The following PCDHA10 variants were observed in gnomAD, a reference collection of about 807,000 sequenced individuals.
PCDHA10 encodes the protein protocadherin alpha-10.
PCDHA10 carries 45 observed loss-of-function variants against 61.2 expected under a neutral mutation model. The ratio of observed to expected loss-of-function variants is 0.74; its 90% CI spans 0.58 to 0.94. PCDHA10 has a LOEUF of 0.94. Among genes scored for constraint, PCDHA10 ranks in the 40% least tolerant of loss-of-function variants. The pLI is 0.00. For synonymous variants in PCDHA10, 602 were observed against 548.8 expected (o/e 1.10, Z -1.35); for missense variants, 1,278 against 1,236.2 (o/e 1.03, Z -0.51).
At chr5:140,890,886 A>G (rs1332125590) in intron 1 of PCDHA10, among the ~76,000 whole-genome samples, 3 of 151,952 alleles carry the variant, frequency 2.0e-5, no homozygotes, top group Admixed American at 1.3e-4. Flanking sequence ...TTCATCAGGG[A>G]TTATTGTCTT....
chr5:140,863,505 C>A, intron 1 of PCDHA10: 1 of 421,530 alleles, frequency 2.4e-6, no homozygotes. Flanking sequence ...GGCTTTTAGT[C>A]CTAGTGTTCT....
chr5:140,900,416 T>G (rs1303205296), intron 1 of PCDHA10, among the ~76,000 whole-genome samples: 8 of 152,220 alleles, frequency 5.3e-5, no homozygotes, highest in Admixed American at 5.2e-4. Flanking sequence ...TAGCTGGGAT[T>G]ATAGGCACGT....
At chr5:140,967,697 G>A (rs1554229803) in intron 1 of PCDHA10, 1 of 1,614,196 alleles carries the variant, frequency 6.2e-7, no homozygotes, top group Admixed American at 1.7e-5. Flanking sequence ...CTTCAGCATA[G>A]ATGCCAGTAC....
intron 1 of PCDHA10, among the ~76,000 whole-genome samples, chr5:140,935,834 C>G (rs1037488504): frequency 1.3e-5 from 2 of 151,624 alleles, no homozygotes; most frequent in African/African-American, 2.4e-5. Flanking sequence ...ACACATATTC[C>G]ATACTGCTTA....
intron 1 of PCDHA10, chr5:140,870,179 G>T (rs184228916): frequency 2.5e-6 from 4 of 1,613,986 alleles, no homozygotes; most frequent in African/African-American, 2.7e-5. Context: ...CTCCCAGTAC[G>T]AGAGGACGCT....
chr5:140,911,729 C>G (rs571299791), intron 1 of PCDHA10, among the ~76,000 whole-genome samples: 1 of 152,134 alleles, frequency 6.6e-6, no homozygotes, highest in Non-Finnish European at 1.5e-5. Flanking sequence ...GTAAACAGTT[C>G]GTGCCAAGGA....
intron 1 of PCDHA10, chr5:140,884,140 G>C: frequency 6.2e-7 from 1 of 1,613,412 alleles, no homozygotes; most frequent in Non-Finnish European, 8.5e-7. Context: ...CGTTCCGCGT[G>C]GGGCTGTACA....
At chr5:140,938,278 G>A (rs1394435028) in intron 1 of PCDHA10, among the ~76,000 whole-genome samples, 1 of 152,090 alleles carries the variant, frequency 6.6e-6, no homozygotes, top group African/African-American at 2.4e-5. Context: ...TAGTTTTCTT[G>A]CTTTCTGTCA....
At chr5:140,950,555 C>T (rs1421946616) in intron 1 of PCDHA10, among the ~76,000 whole-genome samples, 1 of 151,964 alleles carries the variant, frequency 6.6e-6, no homozygotes, top group Non-Finnish European at 1.5e-5. Flanking sequence ...GCTGGGGGGA[C>T]ACTTATTTTA....
intron 1 of PCDHA10, chr5:140,881,384 G>T (rs1299609025): frequency 2.0e-6 from 2 of 984,186 alleles, no homozygotes; most frequent in Non-Finnish European, 2.4e-6. Flanking sequence ...GCCGGCGGCG[G>T]TAAGTTAAAT....
intron 1 of PCDHA10, chr5:140,865,696 A>G (rs1233175579): frequency 2.0e-5 from 3 of 152,192 alleles, no homozygotes; most frequent in African/African-American, 7.2e-5. Flanking sequence ...GACTGTTCCA[A>G]TTTGAAAGAT....
intron 1 of PCDHA10, among the ~76,000 whole-genome samples, chr5:140,895,055 A>T (rs1313066261): frequency 2.0e-5 from 3 of 152,118 alleles, no homozygotes; most frequent in Non-Finnish European, 4.4e-5. Flanking sequence ...ATTCTGCTTC[A>T]TATGGACTCA....
rs148144382 is a variant in PCDHA10 at position 140,914,978 on chromosome 5, G to C, written c.2388+56542G>C. On this transcript the variant is annotated intron_variant, in intron 1 of 3. Coordinates refer to ENST00000307360, the MANE Select transcript of PCDHA10 (RefSeq NM_018901.4). ...TTTTTTTTTTCTGAGTCAGAGTCTT[G>C]CTCTGCTACCAGGCTGGAGTGCAGT... Among the ~76,000 whole-genome samples the C allele has an allele frequency of 8.9e-3, 1,161 of 130,768 alleles. 6 individuals are homozygous for C. Among genetic ancestry groups the C allele is most frequent in the African/African-American group, 0.022 (758 of 34,950 alleles). 85.8% of individuals were successfully genotyped at this position (130,768 alleles called of 152,430 possible).
At chr5:140,882,899 T>C (rs956861597) in intron 1 of PCDHA10, 1 of 1,614,228 alleles carries the variant, frequency 6.2e-7, no homozygotes. Context: ...ACATAGTTTA[T>C]TACTGACAGC....
Position 141,009,659 on chromosome 5 carries a change from G to A in PCDHA10, c.2569G>A (p.Gly857Ser), listed in dbSNP as rs781996586. 3.0e-5 allele frequency: 48 copies of A among 1,613,808 alleles called. No individual in the cohort carries two copies. Among genetic ancestry groups the A allele is most frequent in the East Asian group, 4.5e-5 (2 of 44,878 alleles). The change falls in exon 4 of 4, where the codon GGT becomes AGT. Residue 857 changes from glycine (G) to serine (S), a missense_variant. Coordinates refer to ENST00000307360, the MANE Select transcript of PCDHA10 (RefSeq NM_018901.4). ...GGCAGGAGAAGTGTCCCCTCCAGTC[G>A]GTGCGGGTGTCAACAGCAACAGCTG... is the stretch of plus-strand genomic sequence containing the variant. ...PEAGEVSPPV[G>S]AGVNSNSWTF...
Position 140,858,351 on chromosome 5 carries a change from T to G in PCDHA10, c.2303T>G (p.Met768Arg). The G allele has an allele frequency of 6.3e-7, 1 of 1,594,234 alleles. No homozygotes were observed. The highest frequency in any genetic ancestry group is 8.6e-7 in the Non-Finnish European group (1 of 1,165,294). ...GAGGGCCTGCCCAAGGCGGACCTCA[T>G]GGCCTTCAGCCCCAGCCTTCCACCA... ...SGEGLPKADL[M>R]AFSPSLPPCP... The change falls in exon 1 of 4, where the codon ATG becomes AGG. Residue 768 changes from methionine (M) to arginine (R), a missense_variant. By Grantham distance (91) the Met-to-Arg change is moderately conservative. Transcript: ENST00000307360.
chr5:140,987,007 A>C (rs2097221901), intron 3 of PCDHA10, among the ~76,000 whole-genome samples: 1 of 152,142 alleles, frequency 6.6e-6, no homozygotes, highest in African/African-American at 2.4e-5. Context: ...TGAGGTCATG[A>C]GTTCGAGACC....
chr5:140,883,622 G>A, intron 1 of PCDHA10: 4 of 1,614,004 alleles, frequency 2.5e-6, no homozygotes, highest in Non-Finnish European at 3.4e-6. Context: ...GAACGACAAC[G>A]CGCCGGCGTT....
At position 140,904,654 on chromosome 5, in the gene PCDHA10, G is replaced by C. The variant is rs554492367; in HGVS notation, c.2388+46218G>C. On this transcript the variant is annotated intron_variant, in intron 1 of 3. Coordinates refer to ENST00000307360, the MANE Select transcript of PCDHA10 (RefSeq NM_018901.4). ...AGGAATCTCCACACTGTTTTCCATAGTGGTTGTACTAGTTTACATTCCCAC... is the reference window on the plus strand; with the variant it reads ...AGGAATCTCCACACTGTTTTCCATACTGGTTGTACTAGTTTACATTCCCAC... Among the ~76,000 whole-genome samples, 175 of 152,122 alleles carry C rather than the reference G, an allele frequency of 1.2e-3. 1 individual carries two copies. The highest frequency in any genetic ancestry group is 3.4e-3 in the Middle Eastern group (1 of 294).
Sources: allele counts gnomAD v4.1 joint callset (sites outside exome capture counted in the v4.1 genomes callset), GRCh38; gene constraint gnomAD v4.1.1; transcripts MANE v1.5; gene names NCBI Gene and HGNC (gene_info 2026-07-23, HGNC 2026-07-21).